The following NOX4 variants were observed in gnomAD, a reference collection of about 807,000 sequenced individuals.
NOX4 encodes the protein kidney oxidase-1.
NOX4 carries 69 observed loss-of-function variants against 87.6 expected under a neutral mutation model. The observed-to-expected ratio is 0.79, with a 90% CI of 0.65 to 0.96. NOX4 has a LOEUF of 0.96. NOX4 is among the 40% of genes least tolerant of loss of function. NOX4 has a pLI of 0.00. For synonymous variants in NOX4, 275 were observed against 238.2 expected (o/e 1.15, Z -1.42); for missense variants, 680 against 681.5 (o/e 1.00, Z 0.02).
intron 2 of NOX4, among the ~76,000 whole-genome samples, chr11:89,469,116 ACT>A (rs10545962): frequency 0.015 from 2,246 of 152,210 alleles, 57 homozygotes; most frequent in African/African-American, 0.051. Flanking sequence ...GAAATAGCTG[ACT>A]CTAGAGAGGA....
intron 2 of NOX4, among the ~76,000 whole-genome samples, chr11:89,469,552 T>C (rs1292150745): frequency 6.6e-6 from 1 of 152,168 alleles, no homozygotes; most frequent in African/African-American, 2.4e-5. Context: ...TCTGTAGTTC[T>C]TTCATGGCGC....
the NOX4 span, among the ~76,000 whole-genome samples, chr11:89,526,930 C>T: frequency 6.6e-6 from 1 of 152,100 alleles, no homozygotes. Flanking sequence ...GAACAGAAGA[C>T]AGAAAGATGT....
intron 16 of NOX4, among the ~76,000 whole-genome samples, chr11:89,337,154 A>G (rs1367291337): frequency 6.6e-6 from 1 of 151,974 alleles, no homozygotes; most frequent in Admixed American, 6.6e-5. Flanking sequence ...CATTCCCTCA[A>G]TAAAAAGAAA....
At chr11:89,464,486 A>G in intron 2 of NOX4, among the ~76,000 whole-genome samples, 1 of 152,218 alleles carries the variant, frequency 6.6e-6, no homozygotes, top group East Asian at 1.9e-4. Context: ...TAGTTACTAC[A>G]TGAGCAATAT....
chr11:89,372,426 T>G lies in NOX4; in HGVS notation c.1135+1006A>C, dbSNP rs1233932380. The stretch of plus-strand genomic sequence containing the variant: ...AATCTTTGCTTTTGTTTGATTGACT[T>G]TGTCTTTGTTTCATTTTGTTTGATT... On this transcript the variant is annotated intron_variant, in intron 12 of 17. Transcript: ENST00000263317. Among the ~76,000 whole-genome samples the G allele has an allele frequency of 3.2e-4, 49 of 152,156 alleles. 1 individual carries two copies. Among genetic ancestry groups the G allele is most frequent in the Non-Finnish European group, 7.4e-5 (5 of 67,886 alleles).
chr11:89,425,798 A>G (rs1943365592), intron 7 of NOX4, among the ~76,000 whole-genome samples: 1 of 152,212 alleles, frequency 6.6e-6, no homozygotes, highest in African/African-American at 2.4e-5. Flanking sequence ...ACAAAGGTTA[A>G]AAACTATAAA....
chr11:89,442,421 G>T (rs537826806), intron 5 of NOX4, among the ~76,000 whole-genome samples: 56 of 152,194 alleles, frequency 3.7e-4, no homozygotes, highest in South Asian at 8.3e-4. Context: ...AGAGGACAAA[G>T]AAATACATTC....
the NOX4 span, among the ~76,000 whole-genome samples, chr11:89,564,557 A>C: frequency 6.6e-6 from 1 of 152,068 alleles, no homozygotes; most frequent in Non-Finnish European, 1.5e-5. Context: ...CACATCATGA[A>C]CCTTGAATCT....
the NOX4 span, among the ~76,000 whole-genome samples, chr11:89,523,890 C>A: frequency 6.6e-6 from 1 of 152,106 alleles, no homozygotes; most frequent in South Asian, 2.1e-4. Flanking sequence ...ATATGTATAG[C>A]ATGATTTTAT....
the NOX4 span, among the ~76,000 whole-genome samples, chr11:89,522,314 A>T: frequency 2.0e-5 from 3 of 152,204 alleles, no homozygotes. Flanking sequence ...CAGATACACC[A>T]TCAAATACTA....
intron 2 of NOX4, among the ~76,000 whole-genome samples, chr11:89,490,021 A>G (rs1946789269): frequency 6.6e-6 from 1 of 152,146 alleles, no homozygotes; most frequent in Non-Finnish European, 1.5e-5. Flanking sequence ...ACCCCATTAG[A>G]CCCATATTTT....
the NOX4 span, among the ~76,000 whole-genome samples, chr11:89,512,662 T>C: frequency 2.0e-5 from 3 of 152,142 alleles, no homozygotes. Flanking sequence ...TTAACTCCAT[T>C]CTTCTGTCTA....
In NOX4 at chr11:89,416,322, A is replaced by C. The variant is rs953997131; in HGVS notation, c.629+5580T>G. Among the ~76,000 whole-genome samples, 13 of 152,272 alleles carry C rather than the reference A, an allele frequency of 8.5e-5. No homozygotes were observed. The East Asian group carries it at 1.5e-3, about 18-fold the overall frequency. On this transcript the variant is annotated intron_variant, in intron 8 of 17. Transcript: ENST00000263317. Reference sequence around the variant, plus strand: ...ACAACTTGTGGGCCTTCCATTCAAAATGCAATTTGACTTTCTAAGAGGAGC... The same window carrying C: ...ACAACTTGTGGGCCTTCCATTCAAACTGCAATTTGACTTTCTAAGAGGAGC...
the NOX4 span, among the ~76,000 whole-genome samples, chr11:89,561,834 C>T: frequency 0.015 from 2,270 of 152,144 alleles, 57 homozygotes; most frequent in African/African-American, 0.052. Context: ...AAAAGGGGAG[C>T]AGAATTGGAA....
intron 2 of NOX4, among the ~76,000 whole-genome samples, chr11:89,478,695 T>A (rs1227984698): frequency 2.0e-5 from 3 of 152,134 alleles, no homozygotes; most frequent in Non-Finnish European, 4.4e-5. Context: ...CCAGTACAAG[T>A]CTAAGACCAA....
At chr11:89,477,493 C>G (rs1406409691) in intron 2 of NOX4, among the ~76,000 whole-genome samples, 1 of 152,062 alleles carries the variant, frequency 6.6e-6, no homozygotes, top group Non-Finnish European at 1.5e-5. Context: ...TGGTCTCTGT[C>G]TGTGGCTTGG....
At chr11:89,365,668 C>A (rs1938908268) in intron 12 of NOX4, among the ~76,000 whole-genome samples, 2 of 147,572 alleles carry the variant, frequency 1.4e-5, no homozygotes, top group Admixed American at 6.9e-5. Context: ...TAATTCAGTT[C>A]CTGGCTTCTG....
chr11:89,399,972 C>T (rs764356405), intron 11 of NOX4, 45 bp downstream of exon 11: 2 of 1,428,276 alleles, frequency 1.4e-6, no homozygotes, highest in African/African-American at 2.9e-5. Flanking sequence ...GAAAAATATG[C>T]ATAGCACCCT....
At chr11:89,396,554 G>T (rs1026583734) in intron 11 of NOX4, among the ~76,000 whole-genome samples, 4 of 152,050 alleles carry the variant, frequency 2.6e-5, no homozygotes, top group Admixed American at 2.6e-4. Flanking sequence ...ACCTATCTGT[G>T]TGCTGTATTC....
Sources: allele counts gnomAD v4.1 joint callset (sites outside exome capture counted in the v4.1 genomes callset), GRCh38; gene constraint gnomAD v4.1.1; transcripts MANE v1.5; gene names NCBI Gene and HGNC (gene_info 2026-07-23, HGNC 2026-07-21).